The following BBOX1 variants were observed in gnomAD, a reference collection of about 807,000 sequenced individuals.
The protein encoded by BBOX1 is gamma-butyrobetaine dioxygenase.
A neutral mutation model predicts 41.6 loss-of-function variants in BBOX1; 35 were observed. That is an observed-to-expected ratio of 0.84 (90% CI 0.64 to 1.11). The LOEUF (loss-of-function observed/expected upper bound fraction) is 1.11. Among genes scored for constraint, BBOX1 ranks in the 50% most tolerant of loss-of-function variants. BBOX1 has a pLI of 0.00. For missense variants in BBOX1, 458 were observed against 460.6 expected, an observed-to-expected ratio of 0.99 and a Z score of 0.05; for synonymous variants, 163 against 154.7, an observed-to-expected ratio of 1.05 and a Z score of -0.40.
intron 5 of BBOX1, among the ~76,000 whole-genome samples, chr11:27,102,080 G>A (rs1278006640): frequency 6.6e-6 from 1 of 151,986 alleles, no homozygotes; most frequent in Non-Finnish European, 1.5e-5. Context: ...TACATACGTT[G>A]ACATAAGCTT....
chr11:27,106,943 A>C (rs1858894451), intron 5 of BBOX1, among the ~76,000 whole-genome samples: 1 of 152,162 alleles, frequency 6.6e-6, no homozygotes, highest in Non-Finnish European at 1.5e-5. Context: ...CTCACTCAAA[A>C]CCACTCAACT....
intron 4 of BBOX1, among the ~76,000 whole-genome samples, chr11:27,092,269 G>A (rs920777599): frequency 1.3e-4 from 19 of 151,952 alleles, no homozygotes; most frequent in African/African-American, 1.7e-4. Flanking sequence ...TATTGAGATC[G>A]CAAGTTCTCA....
At chr11:27,107,710 A>G (rs755244350) in intron 5 of BBOX1, among the ~76,000 whole-genome samples, 7 of 152,056 alleles carry the variant, frequency 4.6e-5, no homozygotes, top group South Asian at 2.1e-4. Context: ...TTCATGACCA[A>G]TGAATCACAT....
rs546938197 is a variant in BBOX1 at position 27,080,369 on chromosome 11, C to G, written c.335-12799C>G. ...TGGTCATTTTCTATAGTATTTGACT[C>G]TCTTTCACACTAGACAGTTAAAATC... On this transcript the variant is annotated intron_variant, in intron 4 of 8. Transcript: ENST00000263182. Among the ~76,000 whole-genome samples the G allele has an allele frequency of 9.9e-5, 15 of 152,154 alleles. 1 individual carries two copies. In the South Asian group the frequency reaches 2.7e-3, roughly 27 times the overall value.
chr11:27,101,732 G>A (rs1283731304), intron 5 of BBOX1, among the ~76,000 whole-genome samples: 2 of 151,738 alleles, frequency 1.3e-5, no homozygotes, highest in Admixed American at 6.6e-5. Flanking sequence ...TTTTATTGAG[G>A]TACAAGAGAC....
At position 27,115,563 on chromosome 11, in the gene BBOX1, T is replaced by A. The variant is rs1255609725; in HGVS notation, c.639+6T>A. On this transcript the variant is annotated splice_donor_region_variant and intron_variant, in intron 6 of 8. Coordinates refer to ENST00000263182, the MANE Select transcript of BBOX1 (RefSeq NM_003986.3). Reference sequence around the variant, plus strand: ...CCCTCCATCATCCACCTGGGGTAAGTGAGCTTCAACATATTTTCCACAAAG... The same window carrying A: ...CCCTCCATCATCCACCTGGGGTAAGAGAGCTTCAACATATTTTCCACAAAG... The A allele has an allele frequency of 1.3e-6, 2 of 1,581,090 alleles. No individual in the cohort carries two copies. Among genetic ancestry groups the A allele is most frequent in the Admixed American group, 3.4e-5 (2 of 58,432 alleles).
At chr11:27,076,733 G>T (rs1469560046) in intron 4 of BBOX1, among the ~76,000 whole-genome samples, 1 of 152,270 alleles carries the variant, frequency 6.6e-6, no homozygotes, top group Non-Finnish European at 1.5e-5. Flanking sequence ...CTCTCCACAT[G>T]CAGGGCAAGC....
intron 4 of BBOX1, among the ~76,000 whole-genome samples, chr11:27,083,084 T>A (rs2134019685): frequency 6.6e-6 from 1 of 152,138 alleles, no homozygotes; most frequent in African/African-American, 2.4e-5. Context: ...ACTTTCAGAG[T>A]TTTATGGGGT....
intron 7 of BBOX1, among the ~76,000 whole-genome samples, chr11:27,121,160 G>C (rs149103030): frequency 5.9e-5 from 9 of 152,190 alleles, no homozygotes; most frequent in Middle Eastern, 3.4e-3. Context: ...TTTCAGAAGA[G>C]AAGCAGTTTC....
chr11:27,121,076 A>G (rs969313433), intron 7 of BBOX1, among the ~76,000 whole-genome samples: 1 of 152,182 alleles, frequency 6.6e-6, no homozygotes, highest in Non-Finnish European at 1.5e-5. Flanking sequence ...AAGGACGGAA[A>G]TTGCATTATT....
At chr11:27,082,259 C>A (rs935908830) in intron 4 of BBOX1, among the ~76,000 whole-genome samples, 2 of 152,076 alleles carry the variant, frequency 1.3e-5, no homozygotes, top group African/African-American at 4.8e-5. Flanking sequence ...AATTCTGGAG[C>A]ACACAGAATT....
intron 4 of BBOX1, among the ~76,000 whole-genome samples, chr11:27,064,513 T>A (rs1355295433): frequency 1.3e-5 from 2 of 152,182 alleles, no homozygotes; most frequent in Admixed American, 6.5e-5. Context: ...TATCTCTAGG[T>A]TTTCTGTGAA....
chr11:27,114,625 C>T (rs1346611925), intron 5 of BBOX1, among the ~76,000 whole-genome samples: 1 of 151,762 alleles, frequency 6.6e-6, no homozygotes, highest in Non-Finnish European at 1.5e-5. Flanking sequence ...TATCAACAAG[C>T]ATGCCAATAT....
At chr11:27,106,750 A>G (rs1292568905) in intron 5 of BBOX1, among the ~76,000 whole-genome samples, 1 of 25,986 alleles carries the variant, frequency 3.8e-5, no homozygotes, top group Non-Finnish European at 7.0e-5. Context: ...ATAGACATCT[A>G]CAGAACTCTC....
chr11:27,061,357 G>A (rs1165975014), intron 4 of BBOX1, among the ~76,000 whole-genome samples: 1 of 152,134 alleles, frequency 6.6e-6, no homozygotes, highest in Admixed American at 6.5e-5. Context: ...AGAACTGGCT[G>A]CTATTTAGAC....
chr11:27,083,356 A>G (rs1857920582), intron 4 of BBOX1, among the ~76,000 whole-genome samples: 1 of 152,118 alleles, frequency 6.6e-6, no homozygotes, highest in African/African-American at 2.4e-5. Flanking sequence ...AGAACTTACA[A>G]TCTAGCGGAA....
chr11:27,069,038 T>C (rs1857369263), intron 4 of BBOX1, among the ~76,000 whole-genome samples: 1 of 152,148 alleles, frequency 6.6e-6, no homozygotes, highest in African/African-American at 2.4e-5. Flanking sequence ...TTTTTAGGAT[T>C]GCTTTGGCTA....
At chr11:27,097,224 C>G (rs1316164008) in intron 5 of BBOX1, among the ~76,000 whole-genome samples, 1 of 151,588 alleles carries the variant, frequency 6.6e-6, no homozygotes, top group African/African-American at 2.4e-5. Flanking sequence ...TTCTCCCCCA[C>G]CAAAAAAAAG....
chr11:27,114,053 G>A (rs1177465770), intron 5 of BBOX1, among the ~76,000 whole-genome samples: 1 of 151,830 alleles, frequency 6.6e-6, no homozygotes. Context: ...AATGAATTTA[G>A]CAAGTTGCAG....
Sources: gnomAD v4.1 joint callset for allele counts (sites outside exome capture counted in the v4.1 genomes callset) on GRCh38, gnomAD v4.1.1 for gene constraint, MANE v1.5 for transcripts, NCBI Gene and HGNC (gene_info 2026-07-23, HGNC 2026-07-21) for gene names.